The following CACNB2 variants were observed in gnomAD, a reference collection of about 807,000 sequenced individuals.
CACNB2 encodes the protein voltage-dependent L-type calcium channel subunit beta-2.
Under a neutral mutation model 73.3 loss-of-function variants are expected in CACNB2, and 42 were observed. The ratio of observed to expected loss-of-function variants is 0.57; its 90% CI spans 0.45 to 0.74. The LOEUF is 0.74. Among genes scored for constraint, CACNB2 ranks in the 30% least tolerant of loss-of-function variants. The probability of loss-of-function intolerance (pLI) is 0.00; values close to 1 mark genes in which losing one functional copy is unlikely to be tolerated. For missense variants in CACNB2, 940 were observed against 853.0 expected, an observed-to-expected ratio of 1.10 and a Z score of -1.27; for synonymous variants, 348 against 310.3, an observed-to-expected ratio of 1.12 and a Z score of -1.28.
intron 2 of CACNB2, among the ~76,000 whole-genome samples, chr10:18,155,899 A>C (rs369148645): frequency 0.097 from 90 of 924 alleles, no homozygotes; most frequent in Admixed American, 0.19. Context: ...AGAACATATT[A>C]TATATATATA....
intron 2 of CACNB2, among the ~76,000 whole-genome samples, chr10:18,185,996 T>G (rs1257220731): frequency 6.6e-6 from 1 of 152,164 alleles, no homozygotes; most frequent in African/African-American, 2.4e-5. Context: ...AAAGAAAGCT[T>G]CTTTTAGTTG....
At chr10:18,484,895 CTGTAATCTGAGCACT>C in intron 3 of CACNB2, among the ~76,000 whole-genome samples, 1 of 152,294 alleles carries the variant, frequency 6.6e-6, no homozygotes, top group East Asian at 1.9e-4. Flanking sequence ...TGGCTCACGC[CTGTAATCTGAGCACT>C]TTGGAAGGCT....
At chr10:18,229,544 A>C (rs181296020) in intron 2 of CACNB2, among the ~76,000 whole-genome samples, 3 of 152,338 alleles carry the variant, frequency 2.0e-5, no homozygotes, top group Admixed American at 6.5e-5. Flanking sequence ...AAATCATTTA[A>C]GGAATGTATT....
intron 3 of CACNB2, among the ~76,000 whole-genome samples, chr10:18,497,208 TA>T (rs11421435): frequency 9.8e-4 from 117 of 118,914 alleles, no homozygotes; most frequent in Middle Eastern, 8.9e-3. Flanking sequence ...TAAGACTCTG[TA>T]AAAAAAAAAA....
rs544173490 is a variant in CACNB2 at position 18,516,031 on chromosome 10, T to C, written c.804+1662T>C. On this transcript the variant is annotated intron_variant, in intron 7 of 13. Coordinates refer to ENST00000324631, the MANE Select transcript of CACNB2 (RefSeq NM_201596.3). ...AGTTTTGAGACCAGCCTGGCCAACA[T>C]GGTGAAACCTCATCTCTGCTAAAAA... Among the ~76,000 whole-genome samples, 4 of 152,140 alleles carry C rather than the reference T, an allele frequency of 2.6e-5. No individual in the cohort carries two copies. The East Asian group carries it at 7.7e-4, about 29-fold the overall frequency.
Position 18,540,824 on chromosome 10 carries a change from C to T in CACNB2, c.*1100C>T, listed in dbSNP as rs1378320164. 6.6e-6 allele frequency: 1 copy of T among 152,650 alleles called. No homozygotes were observed. Among genetic ancestry groups the T allele is most frequent in the Non-Finnish European group, 1.5e-5 (1 of 68,046 alleles). 9.5% of individuals were successfully genotyped at this position (152,650 alleles called of 1,614,324 possible). A position where few individuals can be genotyped will look rare whatever the true frequency, so the allele number is the denominator to read the frequency against. On this transcript the variant is annotated 3_prime_UTR_variant, in exon 14 of 14. Coordinates refer to ENST00000324631, the MANE Select transcript of CACNB2 (RefSeq NM_201596.3). ...AAACTAGAGACTGATATCGAGCATT[C>T]TGCCCACCTCGCTCTGTATTTAATT...
intron 2 of CACNB2, among the ~76,000 whole-genome samples, chr10:18,329,242 A>G (rs1453803116): frequency 6.6e-6 from 1 of 152,124 alleles, no homozygotes; most frequent in African/African-American, 2.4e-5. Flanking sequence ...ATTGATGTGG[A>G]CCCTCAACTG....
At chr10:18,323,491 A>C (rs891366483) in intron 2 of CACNB2, among the ~76,000 whole-genome samples, 1 of 152,072 alleles carries the variant, frequency 6.6e-6, no homozygotes, top group African/African-American at 2.4e-5. Context: ...AATGTTGGTG[A>C]ACATTTAGTC....
At chr10:18,529,392 G>A (rs2052776955) in intron 10 of CACNB2, among the ~76,000 whole-genome samples, 1 of 152,182 alleles carries the variant, frequency 6.6e-6, no homozygotes, top group African/African-American at 2.4e-5. Context: ...AAGGAGCTGG[G>A]TGTAGCCATA....
chr10:18,308,765 G>T (rs1254774495), intron 2 of CACNB2, among the ~76,000 whole-genome samples: 1 of 152,142 alleles, frequency 6.6e-6, no homozygotes, highest in East Asian at 1.9e-4. Context: ...GAAGGCATAC[G>T]GTATGCCTGA....
intron 2 of CACNB2, among the ~76,000 whole-genome samples, chr10:18,229,171 A>G (rs1322414683): frequency 1.3e-5 from 2 of 152,246 alleles, no homozygotes; most frequent in African/African-American, 4.8e-5. Context: ...AGTGTGAGAA[A>G]TTAGTATTAT....
chr10:18,324,183 G>A (rs772829622), intron 2 of CACNB2, among the ~76,000 whole-genome samples: 2 of 152,102 alleles, frequency 1.3e-5, no homozygotes, highest in Non-Finnish European at 2.9e-5. Flanking sequence ...GAGGAGCTTC[G>A]GCATTACAGG....
chr10:18,272,401 CA>C (rs1226981094), intron 2 of CACNB2, among the ~76,000 whole-genome samples: 1 of 152,084 alleles, frequency 6.6e-6, no homozygotes, highest in Non-Finnish European at 1.5e-5. Context: ...AATTACCCTC[CA>C]AAAAACTTCA....
At chr10:18,460,183 T>A (rs1168944243) in intron 3 of CACNB2, among the ~76,000 whole-genome samples, 1 of 152,110 alleles carries the variant, frequency 6.6e-6, no homozygotes, top group Non-Finnish European at 1.5e-5. Flanking sequence ...TGGGAGAGAT[T>A]AGGAGTGTTG....
intron 2 of CACNB2, among the ~76,000 whole-genome samples, chr10:18,219,895 G>A (rs1028463643): frequency 2.0e-5 from 3 of 149,796 alleles, no homozygotes; most frequent in South Asian, 2.1e-4. Context: ...CAAGCTTCCC[G>A]AGTAGCTGGG....
chr10:18,160,250 TA>T (rs1435813263), intron 2 of CACNB2, among the ~76,000 whole-genome samples: 1 of 152,190 alleles, frequency 6.6e-6, no homozygotes, highest in East Asian at 1.9e-4. Context: ...GAACACTTTA[TA>T]AACTAGGCTT....
intron 2 of CACNB2, among the ~76,000 whole-genome samples, chr10:18,280,742 A>C (rs7097680): frequency 6.6e-6 from 1 of 151,992 alleles, no homozygotes; most frequent in East Asian, 1.9e-4. Flanking sequence ...CTTCAGCCAC[A>C]TGAAATAAAA....
At chr10:18,308,081 C>T (rs903244473) in intron 2 of CACNB2, among the ~76,000 whole-genome samples, 6 of 145,422 alleles carry the variant, frequency 4.1e-5, no homozygotes, top group Admixed American at 3.6e-4. Context: ...GCAACCTCCA[C>T]CTCCCAGGTT....
intron 2 of CACNB2, among the ~76,000 whole-genome samples, chr10:18,376,417 A>G (rs2042800561): frequency 6.6e-6 from 1 of 152,174 alleles, no homozygotes; most frequent in Admixed American, 6.5e-5. Context: ...AAATAGTTAG[A>G]ATGAATAACA....
Sources: allele counts gnomAD v4.1 joint callset (sites outside exome capture counted in the v4.1 genomes callset), GRCh38; gene constraint gnomAD v4.1.1; transcripts MANE v1.5; gene names NCBI Gene and HGNC (gene_info 2026-07-23, HGNC 2026-07-21).